The following PCDH15 variants were observed in gnomAD, a reference collection of about 807,000 sequenced individuals.
PCDH15 encodes protocadherin-15.
A neutral mutation model predicts 178.5 loss-of-function variants in PCDH15; 129 were observed. The ratio of observed to expected loss-of-function variants is 0.72; its 90% CI spans 0.63 to 0.84. PCDH15 has a LOEUF of 0.84. Among genes scored for constraint, PCDH15 ranks in the 40% least tolerant of loss-of-function variants. PCDH15 has a pLI of 0.00. For synonymous variants in PCDH15, 800 were observed against 732.0 expected (o/e 1.09, Z -1.50); for missense variants, 2,230 against 2,099.9 (o/e 1.06, Z -1.21).
At chr10:54,938,290 T>TTCACATGCC (rs1403682281) in intron 2 of PCDH15, among the ~76,000 whole-genome samples, 2 of 133,106 alleles carry the variant, frequency 1.5e-5, no homozygotes, top group Non-Finnish European at 3.4e-5. Flanking sequence ...TATTTCGGTT[T>TTCACATGCC]AGCATAGTGT....
chr10:55,078,752 C>T (rs1017372220), intron 2 of PCDH15, among the ~76,000 whole-genome samples: 9 of 151,954 alleles, frequency 5.9e-5, no homozygotes, highest in African/African-American at 1.4e-4. Flanking sequence ...GTACCAAATA[C>T]GTAGTCTTTT....
chr10:54,911,993 C>T (rs1954827237), intron 2 of PCDH15, among the ~76,000 whole-genome samples: 1 of 152,096 alleles, frequency 6.6e-6, no homozygotes, highest in Admixed American at 6.6e-5. Flanking sequence ...TAGCAAACCA[C>T]ATTCATCATT....
intron 13 of PCDH15, among the ~76,000 whole-genome samples, chr10:54,176,295 C>T (rs2047432850): frequency 6.6e-6 from 1 of 152,064 alleles, no homozygotes; most frequent in African/African-American, 2.4e-5. Flanking sequence ...AAAAGTTAGC[C>T]TTAACGCAAG....
At chr10:54,688,490 C>A (rs545599679) in intron 1 of PCDH15, among the ~76,000 whole-genome samples, 1 of 151,960 alleles carries the variant, frequency 6.6e-6, no homozygotes, top group Admixed American at 6.6e-5. Context: ...AATAAATTTC[C>A]GAATCCAAAG....
intron 3 of PCDH15, among the ~76,000 whole-genome samples, chr10:54,879,486 C>T (rs1400302692): frequency 7.2e-5 from 11 of 151,868 alleles, no homozygotes; most frequent in Admixed American, 5.9e-4. Flanking sequence ...AAACTAAGAG[C>T]TATCTGGTTC....
At chr10:55,542,083 G>C (rs1403161475) in intron 2 of PCDH15, among the ~76,000 whole-genome samples, 1 of 144,728 alleles carries the variant, frequency 6.9e-6, no homozygotes, top group Non-Finnish European at 1.6e-5. Context: ...TACCAAAACA[G>C]ACAAATATGG....
intron 1 of PCDH15, among the ~76,000 whole-genome samples, chr10:54,700,517 A>C (rs1219699564): frequency 2.0e-5 from 3 of 152,256 alleles, no homozygotes; most frequent in Non-Finnish European, 4.4e-5. Flanking sequence ...TTTTAAGAAA[A>C]AACAAAGCTG....
intron 3 of PCDH15, among the ~76,000 whole-genome samples, chr10:54,515,586 C>T (rs755844279): frequency 6.6e-6 from 1 of 152,230 alleles, no homozygotes; most frequent in Non-Finnish European, 1.5e-5. Flanking sequence ...ACAGCAGTAA[C>T]CTCTGCAGAC....
intron 2 of PCDH15, among the ~76,000 whole-genome samples, chr10:54,582,995 T>C (rs2091169723): frequency 1.3e-5 from 2 of 151,586 alleles, no homozygotes; most frequent in Admixed American, 1.3e-4. Flanking sequence ...TTTCAGTTAC[T>C]GGTATCTTAG....
chr10:55,169,031 A>G (rs1266117232), intron 1 of PCDH15, among the ~76,000 whole-genome samples: 1 of 152,140 alleles, frequency 6.6e-6, no homozygotes, highest in Admixed American at 6.6e-5. Context: ...ACTTATTGTG[A>G]ATCTTAATTT....
intron 2 of PCDH15, among the ~76,000 whole-genome samples, chr10:54,640,224 C>T (rs1215539173): frequency 6.6e-6 from 1 of 151,518 alleles, no homozygotes; most frequent in Admixed American, 6.6e-5. Context: ...AACATAATTT[C>T]TTTAACAGGA....
chr10:54,549,623 A>G (rs775933850), intron 2 of PCDH15, among the ~76,000 whole-genome samples: 34 of 151,888 alleles, frequency 2.2e-4, no homozygotes, highest in Non-Finnish European at 4.7e-4. Context: ...TATGTTCTAC[A>G]ACTTAACAGT....
chr10:55,101,317 G>C (rs1218971744), intron 2 of PCDH15, among the ~76,000 whole-genome samples: 1 of 151,736 alleles, frequency 6.6e-6, no homozygotes, highest in Non-Finnish European at 1.5e-5. Flanking sequence ...AGGAGGTGGA[G>C]TTTACAGTGA....
At chr10:55,399,743 T>G (rs1838020053) in intron 2 of PCDH15, among the ~76,000 whole-genome samples, 2 of 152,282 alleles carry the variant, frequency 1.3e-5, no homozygotes, top group Admixed American at 1.3e-4. Context: ...ATCATAAAAT[T>G]GATTCTTCAT....
intron 20 of PCDH15, among the ~76,000 whole-genome samples, chr10:54,007,879 T>C (rs2092438085): frequency 6.6e-6 from 1 of 152,186 alleles, no homozygotes; most frequent in Admixed American, 6.6e-5. Context: ...CATACAATTA[T>C]GTTATCAACA....
chr10:54,805,222 T>C (rs1952760329), upstream of PCDH15, among the ~76,000 whole-genome samples: 1 of 151,520 alleles, frequency 6.6e-6, no homozygotes, highest in South Asian at 2.1e-4. Flanking sequence ...AGTCCTGGAG[T>C]CAATAGGAAC....
At chr10:54,075,708 C>G (rs1033086748) in intron 17 of PCDH15, among the ~76,000 whole-genome samples, 1 of 152,098 alleles carries the variant, frequency 6.6e-6, no homozygotes, top group African/African-American at 2.4e-5. Flanking sequence ...CAACTTCATT[C>G]GTTTGCATGT....
chr10:55,106,319 T>G (rs2253457), intron 2 of PCDH15, among the ~76,000 whole-genome samples: 11,105 of 152,252 alleles, frequency 0.073, 1,255 homozygotes, highest in African/African-American at 0.24. Flanking sequence ...TTTCTGTTGT[T>G]AGACAAAATC....
chr10:55,627,390 C>T (rs1305325422), intron 2 of PCDH15, among the ~76,000 whole-genome samples: 1 of 152,126 alleles, frequency 6.6e-6, no homozygotes, highest in Non-Finnish European at 1.5e-5. Context: ...CCCCGAGAAG[C>T]TCACATTCCC....
Sources: allele counts gnomAD v4.1 joint callset (sites outside exome capture counted in the v4.1 genomes callset), GRCh38; gene constraint gnomAD v4.1.1; transcripts MANE v1.5; gene names NCBI Gene and HGNC (gene_info 2026-07-23, HGNC 2026-07-21).